CEP112: variants seen among roughly 807,000 people sequenced by gnomAD.
CEP112 encodes centrosomal protein of 112 kDa.
CEP112 carries 127 observed loss-of-function variants against 153.0 expected under a neutral mutation model. The observed-to-expected ratio is 0.83, with a 90% CI of 0.72 to 0.96. CEP112 has a LOEUF of 0.96. Among genes scored for constraint, CEP112 ranks in the 40% least tolerant of loss-of-function variants. The pLI is 0.00. For synonymous variants in CEP112, 358 were observed against 374.4 expected, an observed-to-expected ratio of 0.96 and a Z score of 0.51; for missense variants, 1,089 against 1,101.2, an observed-to-expected ratio of 0.99 and a Z score of 0.16.
At chr17:65,747,531 C>T (rs187604557) in intron 22 of CEP112, among the ~76,000 whole-genome samples, 1 of 152,150 alleles carries the variant, frequency 6.6e-6, no homozygotes, top group Non-Finnish European at 1.5e-5. Flanking sequence ...GTGGGGAAAA[C>T]TATATTAATA....
At chr17:65,671,337 T>G (rs1039769630) in intron 24 of CEP112, among the ~76,000 whole-genome samples, 1 of 152,212 alleles carries the variant, frequency 6.6e-6, no homozygotes, top group Non-Finnish European at 1.5e-5. Flanking sequence ...GAATGCTACA[T>G]CTCAGAAAAG....
At chr17:66,114,614 GC>G (rs1336589534) in intron 6 of CEP112, among the ~76,000 whole-genome samples, 1 of 152,012 alleles carries the variant, frequency 6.6e-6, no homozygotes, top group Non-Finnish European at 1.5e-5. Flanking sequence ...CCAAAATTAT[GC>G]TTTTAAGTAA....
intron 12 of CEP112, among the ~76,000 whole-genome samples, chr17:66,037,144 T>C (rs749564240): frequency 6.6e-6 from 1 of 152,188 alleles, no homozygotes; most frequent in Non-Finnish European, 1.5e-5. Flanking sequence ...TCTGTTACCA[T>C]AAAATGTCTC....
In CEP112 at chr17:65,841,288, G is replaced by A. The variant is rs1192663335; in HGVS notation, c.2394+10516C>T. On this transcript the variant is annotated intron_variant, in intron 21 of 26. Coordinates refer to ENST00000535342, the MANE Select transcript of CEP112 (RefSeq NM_001199165.4). ...AAAGGGGTGGAGAAAGAAAATGTGC[G>A]ATATATACACAACAGAGTATGACTC... is the stretch of plus-strand genomic sequence containing the variant. 4.6e-5 allele frequency among the ~76,000 whole-genome samples: 7 copies of A among 152,020 alleles called. No individual in the cohort carries two copies. In the South Asian group the frequency reaches 1.5e-3, roughly 32 times the overall value.
rs567955591 is a variant in CEP112, at chr17:65,725,472, C to T, written c.2607+17596G>A. On this transcript the variant is annotated intron_variant, in intron 23 of 26. Coordinates refer to ENST00000535342, the MANE Select transcript of CEP112 (RefSeq NM_001199165.4). ...AGCTGAGATTACAGGTGCGCACCAC[C>T]GCGCCTGGCTAATCTTTTGTATCTC... is the stretch of plus-strand genomic sequence containing the variant. Among the ~76,000 whole-genome samples the T allele has an allele frequency of 4.5e-4, 69 of 152,184 alleles. No individual in the cohort carries two copies. The South Asian group carries it at 6.9e-3, about 15-fold the overall frequency.
chr17:65,652,882 C>T (rs2045859766), intron 24 of CEP112, among the ~76,000 whole-genome samples: 1 of 152,162 alleles, frequency 6.6e-6, no homozygotes, highest in African/African-American at 2.4e-5. Context: ...ATATATTTCT[C>T]ACAGTTCTGG....
intron 21 of CEP112, among the ~76,000 whole-genome samples, chr17:65,757,317 G>C (rs1407128572): frequency 3.3e-5 from 5 of 152,164 alleles, no homozygotes; most frequent in Non-Finnish European, 5.9e-5. Context: ...GATCCCCCAG[G>C]AACAATGATG....
intron 23 of CEP112, among the ~76,000 whole-genome samples, chr17:65,697,649 G>A (rs232137): frequency 0.096 from 14,649 of 152,088 alleles, 873 homozygotes; most frequent in Admixed American, 0.19. Flanking sequence ...CAGTGGCAGC[G>A]TGACATTTTT....
Position 65,854,735 on chromosome 17 carries a change from C to T in CEP112, c.2164-2701G>A, listed in dbSNP as rs539398564. 4.9e-4 allele frequency among the ~76,000 whole-genome samples: 75 copies of T among 152,284 alleles called. 2 individuals carry two copies. The highest frequency in any genetic ancestry group is 1.7e-3 in the African/African-American group (70 of 41,554). ...GCACTGTTTTAACATCTATTTGTTT[C>T]TCTATTTCATAGATTGATATCTGTG... On this transcript the variant is annotated intron_variant, in intron 20 of 26. Coordinates refer to ENST00000535342, the MANE Select transcript of CEP112 (RefSeq NM_001199165.4).
chr17:66,013,357 C>A (rs146813842), intron 16 of CEP112, among the ~76,000 whole-genome samples: 65 of 152,238 alleles, frequency 4.3e-4, no homozygotes, highest in Middle Eastern at 3.4e-3. Context: ...GTCCCTTCAA[C>A]CTTTGAAGTT....
intron 20 of CEP112, among the ~76,000 whole-genome samples, chr17:65,857,407 T>C (rs970954644): frequency 2.6e-5 from 4 of 152,206 alleles, no homozygotes; most frequent in Admixed American, 6.5e-5. Context: ...CATTCTTAAG[T>C]CCTAATCTTT....
intron 19 of CEP112, among the ~76,000 whole-genome samples, chr17:65,910,667 T>C (rs62065125): frequency 0.23 from 35,578 of 151,914 alleles, 4,563 homozygotes; most frequent in South Asian, 0.38. Flanking sequence ...ATCATTGACA[T>C]AGATAAAGGG....
At chr17:66,095,086 C>A (rs189110808) in intron 8 of CEP112, among the ~76,000 whole-genome samples, 5 of 152,058 alleles carry the variant, frequency 3.3e-5, no homozygotes, top group African/African-American at 1.2e-4. Context: ...AAAAACAGTA[C>A]GAGGGTTCCT....
rs142508646 is a variant in CEP112, at chr17:65,738,355, G to A, written c.2607+4713C>T. ...CGGCAGAAAGTATAAGGGTGCAAAA[G>A]TACACATTTTTCAGCCAAAATCAAC... On this transcript the variant is annotated intron_variant, in intron 23 of 26. Transcript: ENST00000535342. Among the ~76,000 whole-genome samples, 567 of 152,198 alleles carry A rather than the reference G, an allele frequency of 3.7e-3. 3 individuals are homozygous for A. Among genetic ancestry groups the A allele is most frequent in the Middle Eastern group, 0.01 (3 of 294 alleles).
At chr17:65,868,292 G>T (rs958275560) in intron 20 of CEP112, among the ~76,000 whole-genome samples, 3 of 152,058 alleles carry the variant, frequency 2.0e-5, no homozygotes, top group African/African-American at 7.2e-5. Flanking sequence ...TTGAGGTCAG[G>T]AGTTCAAGAC....
At chr17:65,757,780 C>G (rs2052375104) in intron 21 of CEP112, among the ~76,000 whole-genome samples, 1 of 152,134 alleles carries the variant, frequency 6.6e-6, no homozygotes, top group Admixed American at 6.5e-5. Flanking sequence ...AAATTCATGG[C>G]TAACTTATCA....
chr17:65,932,649 A>C (rs968208928), intron 18 of CEP112, among the ~76,000 whole-genome samples: 2 of 152,140 alleles, frequency 1.3e-5, no homozygotes, highest in African/African-American at 4.8e-5. Context: ...CAGAAGGCAA[A>C]GGGGGAACAG....
chr17:65,742,573 T>C (rs2051198244), intron 23 of CEP112, among the ~76,000 whole-genome samples: 1 of 152,316 alleles, frequency 6.6e-6, no homozygotes, highest in Non-Finnish European at 1.5e-5. Flanking sequence ...AACAACCTAG[T>C]TTCTCAGCAG....
chr17:65,775,033 G>C (rs2053595605), intron 21 of CEP112, among the ~76,000 whole-genome samples: 1 of 152,122 alleles, frequency 6.6e-6, no homozygotes, highest in Non-Finnish European at 1.5e-5. Context: ...CAATACCCTT[G>C]ATGTGGCGAG....
Sources: gnomAD v4.1 joint callset for allele counts (sites outside exome capture counted in the v4.1 genomes callset) on GRCh38, gnomAD v4.1.1 for gene constraint, MANE v1.5 for transcripts, NCBI Gene and HGNC (gene_info 2026-07-23, HGNC 2026-07-21) for gene names.